CHEK1: variants seen among roughly 807,000 people sequenced by gnomAD.
The protein encoded by CHEK1 is serine/threonine-protein kinase Chk1.
A neutral mutation model predicts 60.2 loss-of-function variants in CHEK1; 32 were observed. The ratio of observed to expected loss-of-function variants is 0.53; its 90% confidence interval spans 0.40 to 0.71. The LOEUF (loss-of-function observed/expected upper bound fraction) is 0.71. Among genes scored for constraint, CHEK1 ranks in the 30% least tolerant of loss-of-function variants. The pLI is 0.00. For synonymous variants in CHEK1, 179 were observed against 187.2 expected (o/e 0.96, Z 0.36); for missense variants, 399 against 564.6 (o/e 0.71, Z 2.97).
chr11:125,670,798 T>A (rs1236379138), intron 13 of CHEK1, among the ~76,000 whole-genome samples: 1 of 152,222 alleles, frequency 6.6e-6, no homozygotes, highest in African/African-American at 2.4e-5. Context: ...CAAATCTCTC[T>A]TTTTAGTGGT....
downstream of CHEK1, among the ~76,000 whole-genome samples, chr11:125,680,212 C>G (rs138704459): frequency 7.2e-5 from 11 of 152,290 alleles, no homozygotes; most frequent in Middle Eastern, 6.8e-3. Context: ...ACACAGCACA[C>G]CATGAATGGG....
chr11:125,678,736 G>A (rs1400864688), downstream of CHEK1, among the ~76,000 whole-genome samples: 1 of 151,928 alleles, frequency 6.6e-6, no homozygotes, highest in Non-Finnish European at 1.5e-5. Context: ...AGAAGAGGGA[G>A]AGAGAAAGCA....
downstream of CHEK1, among the ~76,000 whole-genome samples, chr11:125,680,168 C>T (rs1942731736): frequency 6.6e-6 from 1 of 152,194 alleles, no homozygotes; most frequent in South Asian, 2.1e-4. Flanking sequence ...GCTCAGAGCT[C>T]ATGGCCTCTT....
At chr11:125,679,264 C>T (rs557206484), downstream of CHEK1, among the ~76,000 whole-genome samples, 4 of 133,504 alleles carry the variant, frequency 3.0e-5, no homozygotes, top group East Asian at 9.0e-4. Context: ...GTTGCCCAGG[C>T]TGGAGTACAG....
At chr11:125,634,320 G>GT (rs1313836456) in intron 6 of CHEK1, among the ~76,000 whole-genome samples, 2 of 151,538 alleles carry the variant, frequency 1.3e-5, no homozygotes, top group African/African-American at 2.4e-5. Flanking sequence ...TCTGTTTTTT[G>GT]TTTTTTTGTG....
At chr11:125,637,334 C>A in intron 7 of CHEK1, 115 bp from the exon 8 acceptor site, 1 of 665,540 alleles carries the variant, frequency 1.5e-6, no homozygotes, top group Non-Finnish European at 2.4e-6. Flanking sequence ...CTTTCTCTTC[C>A]CCAGGAATAA....
In CHEK1 at chr11:125,644,152, G is replaced by A. The variant is rs2136028028; in HGVS notation, c.985G>A (p.Asp329Asn). ...PEPRTGLSLW[D>N]TSPSYIDKLV... Reference sequence around the variant, plus strand: ...ACCCCGCACAGGTCTTTCCTTATGGGATACCAGCCCCTCATACATTGATAA... The same window carrying A: ...ACCCCGCACAGGTCTTTCCTTATGGAATACCAGCCCCTCATACATTGATAA... The change falls in exon 10 of 13, where the codon GAT becomes AAT. Residue 329 changes from aspartate (D) to asparagine (N), a missense_variant. Physicochemically the swap from Asp to Asn is conservative, Grantham distance 23. Coordinates refer to ENST00000438015, the MANE Select transcript of CHEK1 (RefSeq NM_001114122.3). 1 of 1,614,096 alleles carries A rather than the reference G, an allele frequency of 6.2e-7. No homozygotes were observed. Among genetic ancestry groups the A allele is most frequent in the Non-Finnish European group, 8.5e-7 (1 of 1,180,016 alleles).
intron 13 of CHEK1, among the ~76,000 whole-genome samples, chr11:125,666,200 A>G (rs1015570779): frequency 3.5e-5 from 5 of 144,586 alleles, no homozygotes; most frequent in Admixed American, 3.4e-4. Context: ...TCATGTTTCC[A>G]TTTTCATTTG....
intron 8 of CHEK1, among the ~76,000 whole-genome samples, chr11:125,637,978 G>C (rs1417549207): frequency 6.6e-6 from 1 of 152,232 alleles, no homozygotes; most frequent in African/African-American, 2.4e-5. Context: ...TGTATCATCA[G>C]TGCTTTAGCA....
At chr11:125,652,442 C>G (rs1293878738) in intron 11 of CHEK1, among the ~76,000 whole-genome samples, 1 of 152,174 alleles carries the variant, frequency 6.6e-6, no homozygotes, top group Non-Finnish European at 1.5e-5. Flanking sequence ...TTCTTTCTCA[C>G]ATTTTAATAA....
At chr11:125,652,222 T>G (rs948115576) in intron 11 of CHEK1, among the ~76,000 whole-genome samples, 5 of 152,216 alleles carry the variant, frequency 3.3e-5, no homozygotes, top group Non-Finnish European at 5.9e-5. Context: ...TTACTGTGGC[T>G]GGTGGTCTAA....
intron 6 of CHEK1, 29 bp from the exon 7 acceptor site, chr11:125,635,400 A>T (rs760787676): frequency 6.4e-5 from 86 of 1,342,454 alleles, no homozygotes; most frequent in African/African-American, 1.8e-4. Context: ...AAGAACATTT[A>T]AAAAAACTGG....
At chr11:125,662,003 A>G (rs1299902986), downstream of CHEK1, among the ~76,000 whole-genome samples, 1 of 152,158 alleles carries the variant, frequency 6.6e-6, no homozygotes, top group Non-Finnish European at 1.5e-5. Flanking sequence ...TTCCATCAGC[A>G]CCAGAATTCC....
At chr11:125,646,947 T>C (rs1941528099) in intron 11 of CHEK1, among the ~76,000 whole-genome samples, 1 of 152,182 alleles carries the variant, frequency 6.6e-6, no homozygotes, top group South Asian at 2.1e-4. Flanking sequence ...TCGTTTGATG[T>C]ACTCAAGTTT....
chr11:125,663,431 C>T (rs1451915455), intron 13 of CHEK1, among the ~76,000 whole-genome samples: 1 of 152,114 alleles, frequency 6.6e-6, no homozygotes, highest in African/African-American at 2.4e-5. Context: ...GTTGTTCCAC[C>T]ATTTGTTGAA....
In CHEK1 at chr11:125,657,080, T is replaced by A. The variant is rs1941923185; in HGVS notation, c.*1760T>A. The A allele has an allele frequency of 5.5e-6, 1 of 181,016 alleles. No homozygotes were observed. The highest frequency in any genetic ancestry group is 2.4e-5 in the African/African-American group (1 of 42,400). The allele number at this position is 181,016 out of a possible 1,614,324, so 11.2% of individuals were successfully genotyped here. A position where few individuals can be genotyped will look rare whatever the true frequency, so the allele number is the denominator to read the frequency against. On this transcript the variant is annotated 3_prime_UTR_variant, in exon 13 of 13. Coordinates refer to ENST00000438015, the MANE Select transcript of CHEK1 (RefSeq NM_001114122.3). The stretch of plus-strand genomic sequence containing the variant: ...GCCTTAATTTTCCTGTAATGTTCAT[T>A]ATATTGTTGTGGGAAGGTATTTACT...
In CHEK1 at chr11:125,655,353, T is replaced by C. The variant is rs1296278154; in HGVS notation, c.*33T>C. ...ATCGGCTCTGGGGAATCCTGGTGAA[T>C]ATAGTGCTGCTATGTTGACATTATT... On this transcript the variant is annotated 3_prime_UTR_variant, in exon 13 of 13. Coordinates refer to ENST00000438015, the MANE Select transcript of CHEK1 (RefSeq NM_001114122.3). 3 of 1,416,804 alleles carry C rather than the reference T, an allele frequency of 2.1e-6. No homozygotes were observed. The highest frequency in any genetic ancestry group is 1.4e-5 in the African/African-American group (1 of 70,726). 87.8% of individuals were successfully genotyped at this position (1,416,804 alleles called of 1,614,324 possible). A position where few individuals can be genotyped will look rare whatever the true frequency, so the allele number is the denominator to read the frequency against.
chr11:125,652,608 C>G (rs539487319), intron 11 of CHEK1, among the ~76,000 whole-genome samples: 12 of 152,222 alleles, frequency 7.9e-5, no homozygotes, highest in Admixed American at 7.2e-4. Context: ...GACACACATA[C>G]CCACTGGGAG....
intron 8 of CHEK1, among the ~76,000 whole-genome samples, chr11:125,637,859 C>G (rs1941134459): frequency 6.6e-6 from 1 of 152,140 alleles, no homozygotes; most frequent in South Asian, 2.1e-4. Flanking sequence ...AGATTTGATT[C>G]TGAACAGGGG....
Sources: gnomAD v4.1 joint callset for allele counts (sites outside exome capture counted in the v4.1 genomes callset) on GRCh38, gnomAD v4.1.1 for gene constraint, MANE v1.5 for transcripts, NCBI Gene and HGNC (gene_info 2026-07-23, HGNC 2026-07-21) for gene names.